Variants in ANKS1B observed in about 807,000 individuals in gnomAD.
ANKS1B encodes ankyrin repeat and sterile alpha motif domain containing 1B.
Under a neutral mutation model 148.3 loss-of-function variants are expected in ANKS1B, and 36 were observed. The ratio of observed to expected loss-of-function variants is 0.24; its 90% confidence interval spans 0.19 to 0.32. ANKS1B has a LOEUF of 0.32. ANKS1B is among the 10% of genes least tolerant of loss of function. The pLI is 1.00. For synonymous variants in ANKS1B, 542 were observed against 560.8 expected (o/e 0.97, Z 0.47); for missense variants, 1,157 against 1,542.6 (o/e 0.75, Z 4.19).
chr12:99,468,862 C>T (rs1296266367), intron 10 of ANKS1B, among the ~76,000 whole-genome samples: 1 of 152,108 alleles, frequency 6.6e-6, no homozygotes, highest in African/African-American at 2.4e-5. Flanking sequence ...CTAGTTCAAC[C>T]ATTGTGGAAG....
At chr12:99,558,639 C>T (rs1462461146) in intron 9 of ANKS1B, among the ~76,000 whole-genome samples, 2 of 152,122 alleles carry the variant, frequency 1.3e-5, no homozygotes, top group East Asian at 3.9e-4. Context: ...CCTGAGGAAG[C>T]ACCTTGGTTG....
intron 17 of ANKS1B, among the ~76,000 whole-genome samples, chr12:98,934,724 T>C (rs917050394): frequency 6.6e-6 from 1 of 152,192 alleles, no homozygotes; most frequent in Admixed American, 6.5e-5. Context: ...TTTGGTGCTA[T>C]TGTAAATAGA....
chr12:99,557,277 G>T (rs116719688), intron 9 of ANKS1B, among the ~76,000 whole-genome samples: 1 of 152,068 alleles, frequency 6.6e-6, no homozygotes, highest in Non-Finnish European at 1.5e-5. Flanking sequence ...CAGGTTTCTT[G>T]CTTTCTCTCC....
intron 9 of ANKS1B, among the ~76,000 whole-genome samples, chr12:99,542,315 GAATAA>G (rs1487292195): frequency 2.6e-5 from 4 of 151,900 alleles, no homozygotes; most frequent in Non-Finnish European, 4.4e-5. Flanking sequence ...ATTTACAATA[GAATAA>G]AATAAATTAC....
At chr12:99,516,334 G>A (rs1660137449) in intron 9 of ANKS1B, among the ~76,000 whole-genome samples, 1 of 152,056 alleles carries the variant, frequency 6.6e-6, no homozygotes, top group Admixed American at 6.6e-5. Context: ...TTTGTATATG[G>A]GGAGAGATAA....
chr12:98,911,571 A>C (rs906393225), intron 17 of ANKS1B, among the ~76,000 whole-genome samples: 2 of 152,194 alleles, frequency 1.3e-5, no homozygotes, highest in Non-Finnish European at 2.9e-5. Context: ...TTTTAAACAG[A>C]CCATAGCAGA....
chr12:98,934,305 T>C (rs768458757), intron 17 of ANKS1B, among the ~76,000 whole-genome samples: 23 of 152,142 alleles, frequency 1.5e-4, no homozygotes, highest in Middle Eastern at 6.3e-3. Context: ...GTTGACCATG[T>C]ATGCATGGAT....
chr12:99,904,044 T>C (rs1450586486), intron 1 of ANKS1B, among the ~76,000 whole-genome samples: 1 of 152,230 alleles, frequency 6.6e-6, no homozygotes, highest in East Asian at 1.9e-4. Context: ...ACCTGGGCTC[T>C]ACCCAGGCCC....
intron 9 of ANKS1B, chr12:99,648,560 C>A (rs756195971): frequency 1.9e-6 from 3 of 1,614,178 alleles, no homozygotes; most frequent in Non-Finnish European, 2.5e-6. Flanking sequence ...GTGAAAATAA[C>A]CATCCACAAC....
chr12:98,781,242 T>C, intron 23 of ANKS1B, 39 bp from the exon 24 acceptor site: 1 of 1,354,756 alleles, frequency 7.4e-7, no homozygotes, highest in Non-Finnish European at 1.0e-6. Context: ...GCAGTTTGTG[T>C]TGCGTGGCAA....
Position 98,801,925 on chromosome 12 carries a change from G to GT in ANKS1B, c.3142-801dup, listed in dbSNP as rs2099007493. ...TTTTCCATGAGGTTAGCCTCAACCT[G>GT]TTTCATCAGTATAATAGCTTAATGT... On this transcript the variant is annotated intron_variant, in intron 20 of 26. Coordinates refer to ENST00000683438, the MANE Select transcript of ANKS1B (RefSeq NM_001352186.2). The surrounding 1 kb of genome is among the most constrained non-coding windows in gnomAD (Gnocchi z 5.2). Among the ~76,000 whole-genome samples the GT allele has an allele frequency of 6.6e-6, 1 of 152,146 alleles. No homozygotes were observed. Among genetic ancestry groups the GT allele is most frequent in the Non-Finnish European group, 1.5e-5 (1 of 68,038 alleles).
At chr12:99,381,732 G>A (rs539252203) in intron 12 of ANKS1B, among the ~76,000 whole-genome samples, 1 of 152,248 alleles carries the variant, frequency 6.6e-6, no homozygotes, top group Non-Finnish European at 1.5e-5. Flanking sequence ...TCTTTCCAGG[G>A]GATTGAATGT....
chr12:99,042,367 C>T (rs1387106118), intron 17 of ANKS1B, among the ~76,000 whole-genome samples: 1 of 152,146 alleles, frequency 6.6e-6, no homozygotes, highest in Non-Finnish European at 1.5e-5. Flanking sequence ...CACAGGGAGT[C>T]CCAGCTGTTT....
chr12:99,469,229 G>A (rs1405543202), intron 10 of ANKS1B, among the ~76,000 whole-genome samples: 1 of 142,346 alleles, frequency 7.0e-6, no homozygotes, highest in Non-Finnish European at 1.5e-5. Flanking sequence ...TCATAGGTGG[G>A]AACTGAACAA....
chr12:98,769,165 C>CTTTTTTTTTTTTTTTTTTTTTTT (rs1182264550), intron 25 of ANKS1B, among the ~76,000 whole-genome samples: 2 of 41,216 alleles, frequency 4.9e-5, no homozygotes, highest in African/African-American at 1.6e-4. Context: ...GTCTTCTTTA[C>CTTTTTTTTTTTTTTTTTTTTTTT]TTTTTTTTTT....
At chr12:99,855,285 A>G (rs1214331738) in intron 1 of ANKS1B, among the ~76,000 whole-genome samples, 1 of 151,956 alleles carries the variant, frequency 6.6e-6, no homozygotes, top group Non-Finnish European at 1.5e-5. Context: ...ATATATTCTT[A>G]TATTGCAACA....
At chr12:98,846,007 T>C (rs982548458) in intron 17 of ANKS1B, among the ~76,000 whole-genome samples, 5 of 128,910 alleles carry the variant, frequency 3.9e-5, no homozygotes, top group Admixed American at 1.7e-4. Context: ...CACACACACA[T>C]ATATGTACAC....
In ANKS1B at chr12:99,812,318, A is replaced by C; in HGVS notation, c.216-7T>G. The C allele has an allele frequency of 6.2e-7, 1 of 1,608,174 alleles. No individual in the cohort carries two copies. Among genetic ancestry groups the C allele is most frequent in the African/African-American group, 1.3e-5 (1 of 74,582 alleles). On this transcript the variant is annotated splice_region_variant and splice_polypyrimidine_tract_variant and intron_variant, in intron 2 of 26. Coordinates refer to ENST00000683438, the MANE Select transcript of ANKS1B (RefSeq NM_001352186.2). Reference sequence around the variant, plus strand: ...TAGTTTGAGAACTATGTCCCTAAAAAGGAAAAAACAACAACAACAAAATAG... The same window carrying C: ...TAGTTTGAGAACTATGTCCCTAAAACGGAAAAAACAACAACAACAAAATAG...
At chr12:99,428,770 G>T (rs557348839) in intron 11 of ANKS1B, among the ~76,000 whole-genome samples, 1 of 152,122 alleles carries the variant, frequency 6.6e-6, no homozygotes, top group Admixed American at 6.5e-5. Flanking sequence ...CTAAATCTTG[G>T]CATTAAACTA....
Sources: gnomAD v4.1 joint callset for allele counts (sites outside exome capture counted in the v4.1 genomes callset) on GRCh38, gnomAD v4.1.1 for gene constraint, Gnocchi (gnomAD v3.1) non-coding constraint, MANE v1.5 for transcripts, NCBI Gene and HGNC (gene_info 2026-07-23, HGNC 2026-07-21) for gene names.